The following ROBO2 variants were observed in gnomAD, a reference collection of about 807,000 sequenced individuals.
The protein encoded by ROBO2 is roundabout homolog 2.
Under a neutral mutation model 160.8 loss-of-function variants are expected in ROBO2, and 53 were observed. The observed-to-expected ratio is 0.33, with a 90% CI of 0.26 to 0.41. The LOEUF is 0.41. Ranked by LOEUF, ROBO2 falls within the 10% of genes least tolerant of loss-of-function variation. The pLI is 1.00. For missense variants in ROBO2, 1,577 were observed against 1,722.4 expected, an observed-to-expected ratio of 0.92 and a Z score of 1.49; for synonymous variants, 664 against 611.7, an observed-to-expected ratio of 1.09 and a Z score of -1.26.
At chr3:77,500,656 G>T (rs2087457840) in intron 5 of ROBO2, among the ~76,000 whole-genome samples, 2 of 152,172 alleles carry the variant, frequency 1.3e-5, no homozygotes, top group Admixed American at 1.3e-4. Flanking sequence ...GGAAACTGAA[G>T]ATATAGATTT....
At chr3:76,449,226 T>C (rs1029440618) in intron 2 of ROBO2, among the ~76,000 whole-genome samples, 1 of 152,182 alleles carries the variant, frequency 6.6e-6, no homozygotes, top group Non-Finnish European at 1.5e-5. Context: ...TGTACTGTTA[T>C]GTATTTTTTA....
intron 2 of ROBO2, among the ~76,000 whole-genome samples, chr3:76,271,949 A>C (rs1401357733): frequency 6.6e-6 from 1 of 152,176 alleles, no homozygotes; most frequent in Non-Finnish European, 1.5e-5. Flanking sequence ...TAAATATTCT[A>C]GTTCCCATTC....
intron 2 of ROBO2, among the ~76,000 whole-genome samples, chr3:76,453,188 C>A (rs2077565537): frequency 6.6e-6 from 1 of 152,174 alleles, no homozygotes. Flanking sequence ...AATTAGATCC[C>A]ATTTGTCAAT....
intron 2 of ROBO2, among the ~76,000 whole-genome samples, chr3:76,539,002 T>C (rs1224055030): frequency 6.6e-6 from 1 of 152,164 alleles, no homozygotes; most frequent in East Asian, 1.9e-4. Flanking sequence ...CACCATGGAA[T>C]ACTATGTGGC....
At chr3:76,330,861 G>A (rs2073431397) in intron 2 of ROBO2, among the ~76,000 whole-genome samples, 2 of 152,198 alleles carry the variant, frequency 1.3e-5, no homozygotes, top group Admixed American at 1.3e-4. Flanking sequence ...AGGAACATTT[G>A]TTGTGGGGTC....
chr3:76,342,443 A>G (rs990492501), intron 2 of ROBO2, among the ~76,000 whole-genome samples: 1 of 152,112 alleles, frequency 6.6e-6, no homozygotes, highest in African/African-American at 2.4e-5. Context: ...CAGATGAATG[A>G]CTGCACAGAG....
At chr3:77,364,087 C>T (rs2070472620) in intron 2 of ROBO2, among the ~76,000 whole-genome samples, 1 of 152,172 alleles carries the variant, frequency 6.6e-6, no homozygotes, top group Non-Finnish European at 1.5e-5. Context: ...CCAGCAGGGG[C>T]TGACATCTTC....
chr3:76,256,259 G>A (rs1268071990), intron 2 of ROBO2, among the ~76,000 whole-genome samples: 1 of 150,560 alleles, frequency 6.6e-6, no homozygotes, highest in Non-Finnish European at 1.5e-5. Context: ...GCAGTGAGCT[G>A]TGATTGTGCC....
At chr3:76,599,037 AC>A (rs1179796593) in intron 2 of ROBO2, among the ~76,000 whole-genome samples, 1 of 152,136 alleles carries the variant, frequency 6.6e-6, no homozygotes, top group Non-Finnish European at 1.5e-5. Context: ...TGTAAGAACT[AC>A]CCATTTGGTG....
chr3:77,447,564 G>A (rs1431135162), intron 2 of ROBO2, among the ~76,000 whole-genome samples: 2 of 152,066 alleles, frequency 1.3e-5, no homozygotes, highest in Non-Finnish European at 1.5e-5. Context: ...TTCACAAGAC[G>A]GACCACCAAA....
At chr3:76,803,556 GGA>G (rs1442728012) in intron 2 of ROBO2, among the ~76,000 whole-genome samples, 4 of 151,784 alleles carry the variant, frequency 2.6e-5, no homozygotes, top group Admixed American at 2.0e-4. Flanking sequence ...AAAGAGAAAA[GGA>G]GAGAGGAAAA....
At chr3:77,031,405 T>A (rs2063312808) in intron 2 of ROBO2, among the ~76,000 whole-genome samples, 1 of 149,274 alleles carries the variant, frequency 6.7e-6, no homozygotes, top group Admixed American at 6.7e-5. Context: ...TATAATTACA[T>A]GTATATACAG....
chr3:77,046,523 T>C (rs1352833352), intron 1 of ROBO2, among the ~76,000 whole-genome samples: 3 of 152,168 alleles, frequency 2.0e-5, no homozygotes, highest in Non-Finnish European at 2.9e-5. Flanking sequence ...TGCAGCTATA[T>C]TGCACAACTC....
rs1326623182 is a variant in ROBO2, at chr3:76,769,121, A to C, written c.110-328893A>C. ...CTACGTGGCAACACCTAGCAACCAC[A>C]CAAGTTTCCTTGACAGACCCAGTTG... On this transcript the variant is annotated intron_variant, in intron 2 of 26. Coordinates refer to the ROBO2 transcript ENST00000487694. Among the ~76,000 whole-genome samples, 3 of 151,488 alleles carry C rather than the reference A, an allele frequency of 2.0e-5. No homozygotes were observed. The South Asian group carries it at 6.2e-4, about 31-fold the overall frequency.
intron 2 of ROBO2, among the ~76,000 whole-genome samples, chr3:77,215,135 G>A (rs1418643730): frequency 6.6e-6 from 1 of 152,110 alleles, no homozygotes. Context: ...CTGCCTTGCT[G>A]GGTTGGGGAA....
intron 12 of ROBO2, 105 bp downstream of exon 13, chr3:77,565,225 A>G: frequency 1.6e-6 from 2 of 1,258,204 alleles, no homozygotes; most frequent in Middle Eastern, 2.3e-4. Context: ...ATTGCTTTGT[A>G]TGATGGCTCA....
At position 76,295,541 on chromosome 3, in the gene ROBO2, C is replaced by CA. The variant is rs552036239; in HGVS notation, c.109+357946dup. ...AATCTTCTTCTGTACAGTGGATTTA[C>CA]AAAAAAACTGTTCTTTATGGCTCGA... On this transcript the variant is annotated intron_variant, in intron 2 of 26. Transcript: ENST00000487694. Among the ~76,000 whole-genome samples the CA allele has an allele frequency of 8.7e-4, 133 of 152,106 alleles. 2 individuals are homozygous for CA. The South Asian group carries it at 0.025, about 29-fold the overall frequency.
chr3:76,627,792 T>C (rs576435225), intron 2 of ROBO2, among the ~76,000 whole-genome samples: 1 of 152,228 alleles, frequency 6.6e-6, no homozygotes, highest in South Asian at 2.1e-4. Flanking sequence ...TCTGCCTGTA[T>C]TAATTATTTC....
exon 10 of ROBO2, chr3:77,562,671 T>C (rs760730932): frequency 1.9e-6 from 3 of 1,612,572 alleles, no homozygotes; most frequent in African/African-American, 1.3e-5. Context: ...CTGGCACTTA[T>C]ACTTGTGTGG....
Sources: allele counts gnomAD v4.1 joint callset (sites outside exome capture counted in the v4.1 genomes callset), GRCh38; gene constraint gnomAD v4.1.1; transcripts MANE v1.5; gene names NCBI Gene and HGNC (gene_info 2026-07-23, HGNC 2026-07-21).